Variants in MLLT3 observed in about 807,000 individuals in gnomAD.
MLLT3 encodes protein AF-9.
Under a neutral mutation model 53.2 loss-of-function variants are expected in MLLT3, and 4 were observed. The observed-to-expected ratio is 0.08, with a 90% CI of 0.04 to 0.17. The LOEUF is 0.17. MLLT3 is among the 10% of genes least tolerant of loss of function. The pLI is 1.00. For synonymous variants in MLLT3, 283 were observed against 230.6 expected (o/e 1.23, Z -2.06); for missense variants, 569 against 684.0 (o/e 0.83, Z 1.87).
chr9:20,493,171 C>A (rs1824994589), intron 2 of MLLT3, among the ~76,000 whole-genome samples: 1 of 151,896 alleles, frequency 6.6e-6, no homozygotes, highest in African/African-American at 2.4e-5. Flanking sequence ...TTATTAGAAA[C>A]TTTATCTTCA....
chr9:20,596,073 A>G (rs1385178374), intron 2 of MLLT3, among the ~76,000 whole-genome samples: 1 of 152,224 alleles, frequency 6.6e-6, no homozygotes. Flanking sequence ...ACAATATAAA[A>G]AGTCACAAGC....
chr9:20,546,645 G>A (rs1818796322), intron 2 of MLLT3, among the ~76,000 whole-genome samples: 1 of 152,180 alleles, frequency 6.6e-6, no homozygotes, highest in Non-Finnish European at 1.5e-5. Context: ...GACCCTGTAT[G>A]GCAGATGCAC....
At chr9:20,497,617 G>A (rs1393100897) in intron 2 of MLLT3, among the ~76,000 whole-genome samples, 1 of 152,170 alleles carries the variant, frequency 6.6e-6, no homozygotes, top group Non-Finnish European at 1.5e-5. Context: ...ATCACCCATG[G>A]TGTTGGGTAT....
At chr9:20,396,227 CTT>C (rs1172118999) in intron 5 of MLLT3, among the ~76,000 whole-genome samples, 2 of 151,614 alleles carry the variant, frequency 1.3e-5, no homozygotes, top group Admixed American at 1.3e-4. Context: ...TTTGGGAACT[CTT>C]TTACACATAT....
At chr9:20,438,009 C>G (rs1046978228) in intron 4 of MLLT3, among the ~76,000 whole-genome samples, 2 of 152,118 alleles carry the variant, frequency 1.3e-5, no homozygotes, top group Non-Finnish European at 2.9e-5. Flanking sequence ...AGTTTTTGCT[C>G]CCTATGCTTA....
chr9:20,359,145 CAAAAAAAA>C (rs920197622), intron 8 of MLLT3, among the ~76,000 whole-genome samples: 7 of 20,982 alleles, frequency 3.3e-4, no homozygotes, highest in African/African-American at 7.9e-4. Flanking sequence ...AACTCCATCT[CAAAAAAAA>C]AAAAAAAAAA....
chr9:20,413,601 C>CCTCTGT, intron 5 of MLLT3, 120 bp downstream of exon 5: 1 of 801,918 alleles, frequency 1.2e-6, no homozygotes, highest in Non-Finnish European at 1.9e-6. Context: ...GCCAGATCTA[C>CCTCTGT]CTCTGTGCTA....
chr9:20,596,979 T>C (rs555143670), intron 2 of MLLT3, among the ~76,000 whole-genome samples: 1 of 152,224 alleles, frequency 6.6e-6, no homozygotes, highest in African/African-American at 2.4e-5. Flanking sequence ...CAATGTTTTG[T>C]AGTTTCACAG....
chr9:20,460,350 A>G (rs1824077393), intron 2 of MLLT3, among the ~76,000 whole-genome samples: 1 of 152,246 alleles, frequency 6.6e-6, no homozygotes, highest in Non-Finnish European at 1.5e-5. Context: ...TTAGAAAGCC[A>G]TTAAAATCTT....
intron 2 of MLLT3, among the ~76,000 whole-genome samples, chr9:20,534,852 C>T (rs1170753481): frequency 6.6e-6 from 1 of 151,832 alleles, no homozygotes; most frequent in African/African-American, 2.4e-5. Flanking sequence ...TGCCACTGCA[C>T]TCTAGCCTGG....
intron 4 of MLLT3, among the ~76,000 whole-genome samples, chr9:20,440,017 G>C (rs1246089774): frequency 6.6e-6 from 1 of 151,986 alleles, no homozygotes; most frequent in African/African-American, 2.4e-5. Context: ...CACCATTCCA[G>C]ATAACAGAAA....
At chr9:20,513,995 A>G (rs1817835022) in intron 2 of MLLT3, among the ~76,000 whole-genome samples, 1 of 152,182 alleles carries the variant, frequency 6.6e-6, no homozygotes, top group African/African-American at 2.4e-5. Context: ...AAGTCAGGAG[A>G]TTCTGATGGA....
At chr9:20,619,687 T>C (rs1820939349) in intron 2 of MLLT3, among the ~76,000 whole-genome samples, 1 of 152,210 alleles carries the variant, frequency 6.6e-6, no homozygotes, top group South Asian at 2.1e-4. Context: ...AACCAGACAT[T>C]AGTTTTCCAG....
intron 5 of MLLT3, among the ~76,000 whole-genome samples, chr9:20,390,676 T>C (rs570322299): frequency 1.2e-3 from 183 of 152,354 alleles, no homozygotes; most frequent in African/African-American, 4.1e-3. Context: ...TCTTCAAATA[T>C]GAAAACTACA....
At chr9:20,483,288 G>A (rs906968162) in intron 2 of MLLT3, among the ~76,000 whole-genome samples, 3 of 151,740 alleles carry the variant, frequency 2.0e-5, no homozygotes, top group Non-Finnish European at 2.9e-5. Context: ...AGGCTGGAGT[G>A]CAGTGGTGCA....
intron 2 of MLLT3, among the ~76,000 whole-genome samples, chr9:20,563,952 A>C (rs1819284653): frequency 6.6e-6 from 1 of 152,204 alleles, no homozygotes; most frequent in African/African-American, 2.4e-5. Context: ...AAGTGAATCT[A>C]GTCAGGATAG....
intron 2 of MLLT3, among the ~76,000 whole-genome samples, chr9:20,610,025 G>A (rs1233644978): frequency 1.3e-5 from 2 of 152,030 alleles, no homozygotes; most frequent in African/African-American, 4.8e-5. Context: ...CTAGATCAAT[G>A]ACAATTGCAG....
chr9:20,459,885 G>A (rs1824067136), intron 2 of MLLT3, among the ~76,000 whole-genome samples: 1 of 152,076 alleles, frequency 6.6e-6, no homozygotes, highest in Admixed American at 6.5e-5. Context: ...TTCTTAATTA[G>A]AAGCAAACAA....
At chr9:20,369,919 T>A (rs548394082) in intron 5 of MLLT3, among the ~76,000 whole-genome samples, 1 of 152,218 alleles carries the variant, frequency 6.6e-6, no homozygotes, top group African/African-American at 2.4e-5. Flanking sequence ...GGCGTGCACA[T>A]GTGTGAATGC....
Sources: gnomAD v4.1 joint callset for allele counts (sites outside exome capture counted in the v4.1 genomes callset) on GRCh38, gnomAD v4.1.1 for gene constraint, MANE v1.5 for transcripts, NCBI Gene and HGNC (gene_info 2026-07-23, HGNC 2026-07-21) for gene names.